Variants in ADGRL3 observed in about 807,000 individuals in gnomAD.
ADGRL3 encodes adhesion G protein-coupled receptor L3, also known as calcium-independent alpha-latrotoxin receptor 3.
In ADGRL3, 62 loss-of-function variants were observed where a neutral mutation model predicts 153.5. The ratio of observed to expected loss-of-function variants is 0.40; its 90% CI spans 0.33 to 0.50. The LOEUF (loss-of-function observed/expected upper bound fraction) is 0.50, where lower values mean the gene tolerates loss of function less well. Ranked by LOEUF, ADGRL3 falls within the 20% of genes least tolerant of loss-of-function variation. The probability of loss-of-function intolerance (pLI) is 0.47; values close to 1 mark genes in which losing one functional copy is unlikely to be tolerated. For synonymous variants in ADGRL3, 710 were observed against 672.5 expected (o/e 1.06, Z -0.86); for missense variants, 1,641 against 1,859.4 (o/e 0.88, Z 2.16).
intron 2 of ADGRL3, among the ~76,000 whole-genome samples, chr4:61,451,545 G>A (rs567281880): frequency 3.3e-5 from 5 of 152,094 alleles, no homozygotes; most frequent in South Asian, 4.2e-4. Flanking sequence ...ACAAAACTTC[G>A]GAGCAGTCAA....
chr4:61,212,266 T>C (rs1309432317), intron 1 of ADGRL3: 2 of 152,210 alleles, frequency 1.3e-5, no homozygotes, highest in African/African-American at 4.8e-5. Context: ...TAGTTATGTA[T>C]CCATCCATCT....
intron 1 of ADGRL3, among the ~76,000 whole-genome samples, chr4:61,253,519 C>T (rs530186773): frequency 1.3e-5 from 2 of 152,160 alleles, no homozygotes; most frequent in East Asian, 3.9e-4. Flanking sequence ...CAAAGACTTA[C>T]ACCAAGAGGA....
At chr4:61,767,590 C>T (rs2097011766) in intron 8 of ADGRL3, among the ~76,000 whole-genome samples, 1 of 152,114 alleles carries the variant, frequency 6.6e-6, no homozygotes, top group South Asian at 2.1e-4. Context: ...AGGAGTCAGT[C>T]AGAGAGCCTT....
At chr4:61,716,685 T>A (rs928475397) in intron 6 of ADGRL3, among the ~76,000 whole-genome samples, 1 of 152,118 alleles carries the variant, frequency 6.6e-6, no homozygotes, top group Non-Finnish European at 1.5e-5. Flanking sequence ...TTCAAATAGA[T>A]AATATATAGT....
intron 9 of ADGRL3, among the ~76,000 whole-genome samples, chr4:61,860,785 A>G (rs1176072048): frequency 2.0e-5 from 3 of 152,162 alleles, no homozygotes; most frequent in Non-Finnish European, 4.4e-5. Context: ...TTCTCATTTA[A>G]TGATCATCAT....
chr4:61,304,532 A>G (rs2150394580), intron 1 of ADGRL3, among the ~76,000 whole-genome samples: 1 of 152,224 alleles, frequency 6.6e-6, no homozygotes, highest in African/African-American at 2.4e-5. Context: ...CTGTGTGTGG[A>G]GGTTTTCTAG....
chr4:61,704,003 A>AT (rs2095813511), intron 6 of ADGRL3, among the ~76,000 whole-genome samples: 4 of 152,196 alleles, frequency 2.6e-5, no homozygotes, highest in African/African-American at 9.6e-5. Context: ...TTCTTTAGAT[A>AT]TAACACCTAT....
At chr4:61,479,340 C>T (rs1022770582) in intron 2 of ADGRL3, among the ~76,000 whole-genome samples, 18 of 151,874 alleles carry the variant, frequency 1.2e-4, no homozygotes, top group Non-Finnish European at 2.2e-4. Context: ...ATACACACAC[C>T]GCCCCCCATG....
intron 21 of ADGRL3, among the ~76,000 whole-genome samples, chr4:62,027,968 A>G (rs954556887): frequency 1.3e-5 from 2 of 151,838 alleles, no homozygotes; most frequent in African/African-American, 4.8e-5. Flanking sequence ...ATCATTCTGG[A>G]GAGTGAGTTT....
At chr4:61,290,673 AGGAAGGAAGGAAGGAG>A (rs1223245435) in intron 1 of ADGRL3, among the ~76,000 whole-genome samples, 2 of 150,428 alleles carry the variant, frequency 1.3e-5, no homozygotes, top group African/African-American at 4.9e-5. Context: ...AAAGGAAGGA[AGGAAGGAAGGAAGGAG>A]GGAAGGAGGG....
intron 9 of ADGRL3, among the ~76,000 whole-genome samples, chr4:61,875,817 G>A (rs1382666920): frequency 6.6e-6 from 1 of 152,178 alleles, no homozygotes; most frequent in African/African-American, 2.4e-5. Context: ...TGTGAGGACT[G>A]ATGATACTGC....
chr4:62,066,159 T>A (rs1311500147), intron 25 of ADGRL3, among the ~76,000 whole-genome samples: 1 of 152,062 alleles, frequency 6.6e-6, no homozygotes, highest in Non-Finnish European at 1.5e-5. Context: ...CAAAAATAAA[T>A]CTTGGTGATT....
At chr4:61,380,214 G>GTGTGTA (rs2096651068) in intron 1 of ADGRL3, among the ~76,000 whole-genome samples, 2 of 152,054 alleles carry the variant, frequency 1.3e-5, no homozygotes, top group East Asian at 1.9e-4. Context: ...GTGTTTGTGT[G>GTGTGTA]TGTGTATGTG....
At chr4:61,844,576 A>AAAAAATATATG (rs2098089494) in intron 9 of ADGRL3, among the ~76,000 whole-genome samples, 1 of 9,464 alleles carries the variant, frequency 1.1e-4, no homozygotes, top group Non-Finnish European at 2.1e-4. Flanking sequence ...AAAAAAAAAA[A>AAAAAATATATG]TATATATATA....
At chr4:61,494,081 TG>T (rs925443236) in intron 2 of ADGRL3, among the ~76,000 whole-genome samples, 6 of 146,166 alleles carry the variant, frequency 4.1e-5, no homozygotes, top group Non-Finnish European at 7.6e-5. Context: ...TACTGTGTCC[TG>T]TTTTTTTTTT....
At chr4:62,046,256 T>C (rs929275607) in intron 25 of ADGRL3, among the ~76,000 whole-genome samples, 3 of 152,074 alleles carry the variant, frequency 2.0e-5, no homozygotes, top group African/African-American at 7.2e-5. Flanking sequence ...ATGAATTGTA[T>C]GTATATTAGG....
chr4:61,666,164 T>C (rs1191084490), intron 5 of ADGRL3, among the ~76,000 whole-genome samples: 1 of 152,174 alleles, frequency 6.6e-6, no homozygotes, highest in African/African-American at 2.4e-5. Flanking sequence ...ATGCACACAG[T>C]TATTCCTTTG....
intron 6 of ADGRL3, among the ~76,000 whole-genome samples, chr4:61,728,541 AAAG>A (rs1458641156): frequency 1.3e-5 from 2 of 152,118 alleles, no homozygotes; most frequent in Non-Finnish European, 2.9e-5. Context: ...TAAAACTCAC[AAAG>A]AAGTTAAGAT....
Position 61,587,235 on chromosome 4 carries a change from C to T in ADGRL3, c.268C>T (p.Arg90Cys). ...GAQIAAQAFS[R>C]APIPMAVVRR... ...CCTCTTCCTTTTGGCAGCTTTCAGC[C>T]GTGCCCCAATTCCAATGGCTGTGGT... Residue 90 changes from arginine to cysteine, a missense_variant, in exon 5 of 27, where the codon CGT becomes TGT. Physicochemically the swap from Arg to Cys is radical, Grantham distance 180 (BLOSUM62 -3). Transcript: ENST00000683033. 5 of 1,603,540 alleles carry T rather than the reference C, an allele frequency of 3.1e-6. No homozygotes were observed. Among genetic ancestry groups the T allele is most frequent in the Non-Finnish European group, 4.3e-6 (5 of 1,174,418 alleles).
Sources: allele counts gnomAD v4.1 joint callset (sites outside exome capture counted in the v4.1 genomes callset), GRCh38; gene constraint gnomAD v4.1.1; transcripts MANE v1.5; gene names NCBI Gene and HGNC (gene_info 2026-07-23, HGNC 2026-07-21).